Variants in ASIC2 observed in about 807,000 individuals in gnomAD.
ASIC2 encodes the protein acid-sensing ion channel 2.
In ASIC2, 25 loss-of-function variants were observed where a neutral mutation model predicts 57.3. That is an observed-to-expected ratio of 0.44 (90% CI 0.32 to 0.61). The LOEUF is 0.61. Among genes scored for constraint, ASIC2 ranks in the 20% least tolerant of loss-of-function variants. The pLI is 0.06. For synonymous variants in ASIC2, 319 were observed against 307.5 expected (o/e 1.04, Z -0.39); for missense variants, 641 against 738.1 (o/e 0.87, Z 1.52).
At chr17:33,928,633 C>T (rs1407482442) in intron 1 of ASIC2, among the ~76,000 whole-genome samples, 3 of 152,022 alleles carry the variant, frequency 2.0e-5, no homozygotes, top group Non-Finnish European at 2.9e-5. Flanking sequence ...GTCAGGGCTC[C>T]GGAGGGGTGG....
At chr17:33,116,964 C>G (rs2092283655) in intron 1 of ASIC2, among the ~76,000 whole-genome samples, 1 of 152,024 alleles carries the variant, frequency 6.6e-6, no homozygotes, top group African/African-American at 2.4e-5. Context: ...ATCCTCTCAC[C>G]TCAGCCTCTT....
intron 1 of ASIC2, among the ~76,000 whole-genome samples, chr17:33,461,099 A>G (rs1912618932): frequency 6.6e-6 from 1 of 152,146 alleles, no homozygotes; most frequent in Non-Finnish European, 1.5e-5. Flanking sequence ...CCCTAGCTCT[A>G]TATAAGAAAT....
At chr17:33,564,878 G>T (rs756707560) in intron 1 of ASIC2, among the ~76,000 whole-genome samples, 1 of 152,224 alleles carries the variant, frequency 6.6e-6, no homozygotes, top group African/African-American at 2.4e-5. Context: ...GTGCCTTAAG[G>T]ACATGCTCCT....
intron 1 of ASIC2, among the ~76,000 whole-genome samples, chr17:34,116,025 T>A (rs1911415161): frequency 6.6e-6 from 1 of 152,158 alleles, no homozygotes; most frequent in Admixed American, 6.5e-5. Context: ...ATACCCAACA[T>A]GGAACAGCAT....
intron 1 of ASIC2, among the ~76,000 whole-genome samples, chr17:33,981,239 C>T (rs531912862): frequency 8.5e-5 from 13 of 152,226 alleles, no homozygotes; most frequent in East Asian, 3.9e-4. Context: ...CGTGAGCCAC[C>T]GCACCCAGCC....
chr17:33,048,413 C>T (rs966407867), intron 3 of ASIC2, among the ~76,000 whole-genome samples: 2 of 152,152 alleles, frequency 1.3e-5, no homozygotes, highest in Non-Finnish European at 1.5e-5. Context: ...GAGGATCATG[C>T]CTTAGGAAAC....
rs1915951570 is a variant in ASIC2 at position 33,557,763 on chromosome 17, C to G, written c.556-445696G>C. On this transcript the variant is annotated intron_variant, in intron 1 of 9. Transcript: ENST00000359872. ...TTTACACATCCCACTCTATTATTCT[C>G]CATATCCAACTCATCACTATATTAT... Among the ~76,000 whole-genome samples, 5 of 152,302 alleles carry G rather than the reference C, an allele frequency of 3.3e-5. No homozygotes were observed. In the South Asian group the frequency reaches 1.0e-3, roughly 32 times the overall value.
intron 1 of ASIC2, among the ~76,000 whole-genome samples, chr17:33,722,471 A>G (rs1200700643): frequency 6.6e-6 from 1 of 152,214 alleles, no homozygotes; most frequent in Non-Finnish European, 1.5e-5. Flanking sequence ...AATTTATAGA[A>G]AAAGATATCC....
chr17:34,124,471 C>T (rs959136991), intron 1 of ASIC2, among the ~76,000 whole-genome samples: 1 of 152,200 alleles, frequency 6.6e-6, no homozygotes, highest in Non-Finnish European at 1.5e-5. Context: ...ATGGCTCAGA[C>T]TTCTTAACTT....
chr17:33,965,180 A>T (rs925775163), intron 1 of ASIC2, among the ~76,000 whole-genome samples: 4 of 152,238 alleles, frequency 2.6e-5, no homozygotes, highest in Non-Finnish European at 5.9e-5. Context: ...TAATGGGAAA[A>T]GTGCTGATAT....
chr17:34,076,763 G>A (rs564949112), intron 1 of ASIC2, among the ~76,000 whole-genome samples: 1 of 152,324 alleles, frequency 6.6e-6, no homozygotes, highest in African/African-American at 2.4e-5. Context: ...CTGACTCCAT[G>A]AGGCTCAGAG....
At chr17:34,138,237 T>C (rs1322258032) in intron 1 of ASIC2, among the ~76,000 whole-genome samples, 1 of 152,174 alleles carries the variant, frequency 6.6e-6, no homozygotes, top group African/African-American at 2.4e-5. Flanking sequence ...ACCTCCCCGA[T>C]TGTGTCCCTG....
At chr17:33,080,127 A>C (rs1289774056) in intron 3 of ASIC2, among the ~76,000 whole-genome samples, 1 of 152,090 alleles carries the variant, frequency 6.6e-6, no homozygotes, top group African/African-American at 2.4e-5. Context: ...GGGAGAGGAC[A>C]ATACAGCAAC....
intron 1 of ASIC2, among the ~76,000 whole-genome samples, chr17:33,192,619 G>T (rs969452211): frequency 2.0e-5 from 3 of 152,106 alleles, no homozygotes; most frequent in Non-Finnish European, 2.9e-5. Context: ...TTCAAATCTT[G>T]TGAAGAAGCA....
intron 1 of ASIC2, among the ~76,000 whole-genome samples, chr17:34,130,109 A>G (rs1911906023): frequency 6.6e-6 from 1 of 152,242 alleles, no homozygotes; most frequent in African/African-American, 2.4e-5. Context: ...TTAGGAGTTA[A>G]TATTCATTTG....
intron 1 of ASIC2, among the ~76,000 whole-genome samples, chr17:33,300,841 A>C (rs945844257): frequency 6.6e-6 from 1 of 152,176 alleles, no homozygotes; most frequent in Non-Finnish European, 1.5e-5. Context: ...CATGCAGTTT[A>C]ACTAAGATAG....
chr17:33,796,679 G>A (rs867137480), intron 1 of ASIC2, among the ~76,000 whole-genome samples: 1 of 152,068 alleles, frequency 6.6e-6, no homozygotes, highest in East Asian at 1.9e-4. Flanking sequence ...TGCCAGAAAC[G>A]CTCTTTCCCT....
chr17:34,050,651 TTG>T, intron 1 of ASIC2, among the ~76,000 whole-genome samples: 1 of 152,316 alleles, frequency 6.6e-6, no homozygotes, highest in South Asian at 2.1e-4. Flanking sequence ...TACTCTGTGC[TTG>T]ATGAAAGGAA....
At chr17:33,079,657 G>A (rs1222402637) in intron 3 of ASIC2, among the ~76,000 whole-genome samples, 1 of 152,240 alleles carries the variant, frequency 6.6e-6, no homozygotes, top group East Asian at 1.9e-4. Flanking sequence ...GGCAGTTGTT[G>A]TTCTTATCTG....
Sources: gnomAD v4.1 joint callset for allele counts (sites outside exome capture counted in the v4.1 genomes callset) on GRCh38, gnomAD v4.1.1 for gene constraint, MANE v1.5 for transcripts, NCBI Gene and HGNC (gene_info 2026-07-23, HGNC 2026-07-21) for gene names.